Variants in DLGAP4 observed in about 807,000 individuals in gnomAD.
DLGAP4 encodes the protein DLG associated protein 4.
A neutral mutation model predicts 86.9 loss-of-function variants in DLGAP4; 18 were observed. The ratio of observed to expected loss-of-function variants is 0.21; its 90% CI spans 0.14 to 0.31. The LOEUF (loss-of-function observed/expected upper bound fraction) is 0.31, where lower values mean the gene tolerates loss of function less well. Ranked by LOEUF, DLGAP4 falls within the 10% of genes least tolerant of loss-of-function variation. The pLI is 1.00. For missense variants in DLGAP4, 1,085 were observed against 1,362.6 expected (o/e 0.80, Z 3.21); for synonymous variants, 548 against 574.3 (o/e 0.95, Z 0.65).
intron 4 of DLGAP4, among the ~76,000 whole-genome samples, chr20:36,437,797 C>A (rs1208582585): frequency 1.3e-5 from 2 of 152,164 alleles, no homozygotes; most frequent in African/African-American, 4.8e-5. Context: ...CTCAGAGCAG[C>A]CAGGAGTCTA....
chr20:36,364,833 G>A (rs1187785406), intron 1 of DLGAP4, among the ~76,000 whole-genome samples: 1 of 152,154 alleles, frequency 6.6e-6, no homozygotes, highest in Non-Finnish European at 1.5e-5. Context: ...AGTAGCTCAT[G>A]TCTGTAATCC....
At chr20:36,511,652 A>G (rs2036701526) in intron 10 of DLGAP4, among the ~76,000 whole-genome samples, 1 of 152,042 alleles carries the variant, frequency 6.6e-6, no homozygotes. Context: ...AGGTAGGCAG[A>G]TCATTTGAGG....
At chr20:36,409,625 G>C (rs1255865783) in intron 2 of DLGAP4, among the ~76,000 whole-genome samples, 3 of 150,272 alleles carry the variant, frequency 2.0e-5, no homozygotes, top group African/African-American at 2.5e-5. Context: ...TGAGGCAGGA[G>C]AATCACTTGA....
chr20:36,467,017 C>CCTCTCTCTCTCTCTCTCT (rs55778929), intron 7 of DLGAP4, among the ~76,000 whole-genome samples: 6 of 50,358 alleles, frequency 1.2e-4, no homozygotes, highest in Admixed American at 1.1e-3. Context: ...CTCTCTCTCT[C>CCTCTCTCTCTCTCTCTCT]CTCTCTCTCT....
intron 1 of DLGAP4, among the ~76,000 whole-genome samples, chr20:36,331,907 T>C (rs1392638202): frequency 2.0e-5 from 3 of 149,616 alleles, no homozygotes; most frequent in African/African-American, 7.4e-5. Flanking sequence ...CGGGTGGGGG[T>C]TCCAGGCAGG....
At chr20:36,390,189 AC>A (rs1222347170) in intron 2 of DLGAP4, among the ~76,000 whole-genome samples, 1 of 152,148 alleles carries the variant, frequency 6.6e-6, no homozygotes, top group Non-Finnish European at 1.5e-5. Context: ...TAAGGCTCTG[AC>A]CCCTGGAGAT....
intron 7 of DLGAP4, among the ~76,000 whole-genome samples, chr20:36,473,864 G>C (rs2147674425): frequency 1.3e-5 from 2 of 152,296 alleles, no homozygotes; most frequent in Admixed American, 1.3e-4. Flanking sequence ...TAGGTGATCA[G>C]GAAGCCCACA....
At chr20:36,516,681 A>G (rs1225690431) in intron 10 of DLGAP4, among the ~76,000 whole-genome samples, 1 of 151,840 alleles carries the variant, frequency 6.6e-6, no homozygotes, top group Non-Finnish European at 1.5e-5. Flanking sequence ...AAAAAAAAAA[A>G]AAAAAAAAAA....
intron 10 of DLGAP4, among the ~76,000 whole-genome samples, chr20:36,506,991 T>C (rs77796290): frequency 0.022 from 3,394 of 152,336 alleles, 117 homozygotes; most frequent in African/African-American, 0.077. Context: ...TGTGTCACAA[T>C]TCCCTCCCTT....
chr20:36,347,976 G>A (rs2030001313), intron 1 of DLGAP4, among the ~76,000 whole-genome samples: 1 of 152,068 alleles, frequency 6.6e-6, no homozygotes, highest in African/African-American at 2.4e-5. Flanking sequence ...TCCATAGAAT[G>A]GAGCTTCACC....
intron 1 of DLGAP4, among the ~76,000 whole-genome samples, chr20:36,343,622 C>G (rs1381629282): frequency 6.6e-6 from 1 of 152,164 alleles, no homozygotes; most frequent in Non-Finnish European, 1.5e-5. Flanking sequence ...ACCAGGTACC[C>G]CCCCCCAACC....
chr20:36,343,677 A>G (rs2065407909), intron 1 of DLGAP4, among the ~76,000 whole-genome samples: 1 of 152,080 alleles, frequency 6.6e-6, no homozygotes, highest in African/African-American at 2.4e-5. Flanking sequence ...GCACGCATGC[A>G]TGCACACACT....
At chr20:36,523,612 C>G (rs2037515655) in intron 10 of DLGAP4, among the ~76,000 whole-genome samples, 1 of 152,170 alleles carries the variant, frequency 6.6e-6, no homozygotes, top group South Asian at 2.1e-4. Context: ...ACACCTAGTT[C>G]CTTTTTCTGA....
chr20:36,356,223 C>T (rs2030320908), intron 1 of DLGAP4, among the ~76,000 whole-genome samples: 1 of 152,270 alleles, frequency 6.6e-6, no homozygotes, highest in African/African-American at 2.4e-5. Context: ...CTGAAGTACA[C>T]CACAAATCCA....
chr20:36,462,750 G>C, intron 7 of DLGAP4: 1 of 1,132,238 alleles, frequency 8.8e-7, no homozygotes, highest in East Asian at 2.8e-5. Flanking sequence ...GAGGGGCCAG[G>C]CTGTCTGGCG....
intron 7 of DLGAP4, among the ~76,000 whole-genome samples, chr20:36,464,089 T>C (rs934419615): frequency 1.3e-5 from 2 of 152,248 alleles, no homozygotes; most frequent in East Asian, 3.8e-4. Flanking sequence ...TTACTTCAGC[T>C]ACTTGCAGTG....
At chr20:36,348,109 T>C (rs1287201454) in intron 1 of DLGAP4, among the ~76,000 whole-genome samples, 1 of 152,194 alleles carries the variant, frequency 6.6e-6, no homozygotes, top group African/African-American at 2.4e-5. Context: ...TATATCCTTC[T>C]ACCAAAAACG....
At chr20:36,525,775 C>T in intron 11 of DLGAP4, 76 bp from the exon 12 acceptor site, 1 of 1,589,136 alleles carries the variant, frequency 6.3e-7, no homozygotes, top group Non-Finnish European at 8.5e-7. Context: ...CAGAGGAACC[C>T]TGCTTGTTGG....
intron 10 of DLGAP4, among the ~76,000 whole-genome samples, chr20:36,509,142 T>A (rs999911287): frequency 2.0e-5 from 3 of 152,228 alleles, no homozygotes; most frequent in Admixed American, 6.5e-5. Context: ...TTTCAAATTG[T>A]CTGGGCATGG....
Sources: gnomAD v4.1 joint callset for allele counts (sites outside exome capture counted in the v4.1 genomes callset) on GRCh38, gnomAD v4.1.1 for gene constraint, MANE v1.5 for transcripts, NCBI Gene and HGNC (gene_info 2026-07-23, HGNC 2026-07-21) for gene names.